Variants in TRPC5 observed in about 807,000 individuals in gnomAD.
The protein encoded by TRPC5 is transient receptor potential cation channel subfamily C member 5.
A neutral mutation model predicts 56.5 loss-of-function variants in TRPC5; 9 were observed. The ratio of observed to expected loss-of-function variants is 0.16; its 90% CI spans 0.10 to 0.28. The LOEUF (loss-of-function observed/expected upper bound fraction) is 0.28, where lower values mean the gene tolerates loss of function less well. Ranked by LOEUF, TRPC5 falls within the 10% of genes least tolerant of loss-of-function variation. TRPC5 has a pLI of 1.00. For synonymous variants in TRPC5, 282 were observed against 278.5 expected (o/e 1.01, Z -0.13); for missense variants, 469 against 748.9 (o/e 0.63, Z 4.36).
chrX:111,821,875 A>G (rs1479238840), intron 7 of TRPC5, among the ~76,000 whole-genome samples: 1 of 111,244 alleles, frequency 9.0e-6, no homozygotes, highest in African/African-American at 3.3e-5. Context: ...AGTATTCCAC[A>G]AGGATCAATT....
intron 2 of TRPC5, among the ~76,000 whole-genome samples, chrX:111,944,303 T>TGTGTGTGTGTGTGAGAGAGAGA (rs1173179815): frequency 4.9e-5 from 3 of 61,392 alleles, no homozygotes; most frequent in African/African-American, 3.2e-4. Context: ...TGTGTGTGTG[T>TGTGTGTGTGTGTGAGAGAGAGA]GAGAGAGAGA....
rs747641543 is a variant in TRPC5 at position 111,912,805 on chromosome X, G to A, written c.386C>T (p.Thr129Ile). Residue 129 changes from threonine to isoleucine, a missense_variant, in exon 3 of 11, where the codon ACT (threonine) becomes ATT (isoleucine). Thr to Ile is a moderately conservative substitution (Grantham distance 89). This residue lies in a region of TRPC5 where 118 missense variants were observed against 167.1 expected (regional missense o/e 0.71). Transcript: ENST00000262839. ...AGAGAACTGCGTGTCCATCATCAGA[G>A]TGGGGACCTAGGTACAAGAAATGAG... ...RRPSGEKQVP[T>I]LMMDTQFSEF... 1.7e-6 allele frequency: 2 copies of A among 1,194,558 alleles called. No individual in the cohort carries two copies. The highest frequency in any genetic ancestry group is 3.6e-5 in the South Asian group (2 of 55,580).
At chrX:112,078,319 G>A (rs974478217) in intron 1 of TRPC5, among the ~76,000 whole-genome samples, 1 of 111,735 alleles carries the variant, frequency 8.9e-6, no homozygotes, top group African/African-American at 3.3e-5. Flanking sequence ...TGGAATGGAA[G>A]TAGAGGGCTG....
rs778709441 is a variant in TRPC5 at position 111,810,779 on chromosome X, CTAA to C, written c.1896+24139_1896+24141del. On this transcript the variant is annotated intron_variant, in intron 7 of 10. Transcript: ENST00000262839. Reference sequence around the variant, plus strand: ...TTTTAATAAAAGTGTAATTTTATCTCTAATAATTGTTTATCAAAATTTATATTT... The same window carrying C: ...TTTTAATAAAAGTGTAATTTTATCTCTAATTGTTTATCAAAATTTATATTT... Among the ~76,000 whole-genome samples, 201 of 111,582 alleles carry C rather than the reference CTAA, an allele frequency of 1.8e-3. 1 individual carries two copies. The Middle Eastern group carries it at 0.024, about 13-fold the overall frequency.
At chrX:111,864,152 A>AT (rs1206287613) in intron 3 of TRPC5, among the ~76,000 whole-genome samples, 173 of 106,909 alleles carry the variant, frequency 1.6e-3, no homozygotes, top group Non-Finnish European at 2.3e-3. Context: ...ACACCCGGCT[A>AT]TTTTTTTTTG....
chrX:111,958,946 C>T (rs907594342), intron 1 of TRPC5, among the ~76,000 whole-genome samples: 2 of 112,180 alleles, frequency 1.8e-5, no homozygotes, highest in African/African-American at 3.2e-5. Flanking sequence ...ATCAAGAGTT[C>T]TATATCCTGC....
rs1009507544 is a variant in TRPC5 at position 111,907,126 on chromosome X, A to T, written c.900+5165T>A. On this transcript the variant is annotated intron_variant, in intron 3 of 10. Coordinates refer to ENST00000262839, the MANE Select transcript of TRPC5 (RefSeq NM_012471.3). ...GAAGGTCATTTGAAAAAAAAAAAAA[A>T]AAGAAAATGTCCTTTCCATCTTGGT... 5.5e-5 allele frequency among the ~76,000 whole-genome samples: 6 copies of T among 109,792 alleles called. No homozygotes were observed. The East Asian group carries it at 1.7e-3, about 31-fold the overall frequency.
At chrX:111,780,620 T>C (rs1313903128) in intron 9 of TRPC5, among the ~76,000 whole-genome samples, 7 of 111,324 alleles carry the variant, frequency 6.3e-5, no homozygotes, top group Non-Finnish European at 1.3e-4. Context: ...TCAGCCCTCT[T>C]GTATATGTGG....
At chrX:111,939,792 T>C (rs766156703) in intron 2 of TRPC5, among the ~76,000 whole-genome samples, 17 of 112,027 alleles carry the variant, frequency 1.5e-4, no homozygotes, top group Non-Finnish European at 2.3e-4. Flanking sequence ...CTCTCTTTTT[T>C]TCTTAGTCTG....
intron 1 of TRPC5, among the ~76,000 whole-genome samples, chrX:112,066,237 T>C (rs1209812381): frequency 1.8e-5 from 2 of 110,591 alleles, no homozygotes; most frequent in African/African-American, 6.6e-5. Context: ...TGCACATACA[T>C]TGAAAATAGC....
intron 1 of TRPC5, among the ~76,000 whole-genome samples, chrX:112,035,680 G>A (rs1929718070): frequency 9.1e-6 from 1 of 109,355 alleles, no homozygotes. Context: ...CACCCAGGCT[G>A]GAGTGCAGTG....
At chrX:112,073,024 A>G (rs1930752054) in intron 1 of TRPC5, among the ~76,000 whole-genome samples, 1 of 111,920 alleles carries the variant, frequency 8.9e-6, no homozygotes, top group Non-Finnish European at 1.9e-5. Flanking sequence ...TCATTATTAT[A>G]TATTTCATAC....
At position 111,779,943 on chromosome X, in the gene TRPC5, CAATG is replaced by C. The variant is rs781435632; in HGVS notation, c.2143-873_2143-870del. 2.1e-4 allele frequency among the ~76,000 whole-genome samples: 23 copies of C among 111,589 alleles called. No homozygotes were observed. In the East Asian group the frequency reaches 2.5e-3, roughly 12 times the overall value. On this transcript the variant is annotated intron_variant, in intron 9 of 10. Transcript: ENST00000262839. ...AGGGCTATGAAGCAGAAAATGAAGACAATGAATCTTATTTAAGATTTATTATTAT... is the reference window on the plus strand; with the variant it reads ...AGGGCTATGAAGCAGAAAATGAAGACAATCTTATTTAAGATTTATTATTAT...
chrX:111,897,448 G>A (rs1925121803), intron 3 of TRPC5, among the ~76,000 whole-genome samples: 1 of 110,803 alleles, frequency 9.0e-6, no homozygotes, highest in Non-Finnish European at 1.9e-5. Flanking sequence ...AATGAGTTTT[G>A]ACACACGCAT....
At chrX:112,031,605 G>A (rs1223126032) in intron 1 of TRPC5, among the ~76,000 whole-genome samples, 1 of 109,200 alleles carries the variant, frequency 9.2e-6, no homozygotes, top group Non-Finnish European at 1.9e-5. Flanking sequence ...AATTTATTGA[G>A]GTGAAATTCA....
chrX:112,007,098 G>T (rs1928865001), intron 1 of TRPC5, among the ~76,000 whole-genome samples: 1 of 110,859 alleles, frequency 9.0e-6, no homozygotes, highest in Non-Finnish European at 1.9e-5. Context: ...GACTGGGGTG[G>T]TGGTGGTGAG....
chrX:111,950,153 T>C lies in TRPC5; in HGVS notation c.378+1890A>G, dbSNP rs866488077. On this transcript the variant is annotated intron_variant, in intron 2 of 10. Coordinates refer to ENST00000262839, the MANE Select transcript of TRPC5 (RefSeq NM_012471.3). ...TCCTGGCTAACACAGTGAAACCCTG[T>C]CTCTACTACAAATACAAAAAAATTA... Among the ~76,000 whole-genome samples the C allele has an allele frequency of 8.5e-4, 94 of 110,552 alleles. 1 individual carries two copies. Among genetic ancestry groups the C allele is most frequent in the African/African-American group, 2.8e-3 (86 of 30,421 alleles).
chrX:111,833,444 A>G (rs779119774), intron 7 of TRPC5, among the ~76,000 whole-genome samples: 48 of 111,178 alleles, frequency 4.3e-4, no homozygotes, highest in Non-Finnish European at 8.1e-4. Context: ...TTTTTCCACT[A>G]CACTCCTCTC....
chrX:111,819,266 G>GA (rs765294941), intron 7 of TRPC5, among the ~76,000 whole-genome samples: 4 of 111,749 alleles, frequency 3.6e-5, no homozygotes, highest in South Asian at 3.8e-4. Flanking sequence ...GTTTCCTGCA[G>GA]AAAAAAGCAG....
Sources: allele counts gnomAD v4.1 joint callset (sites outside exome capture counted in the v4.1 genomes callset), GRCh38; gene constraint gnomAD v4.1.1; regional missense constraint gnomAD v4.1.1; transcripts MANE v1.5; gene names NCBI Gene and HGNC (gene_info 2026-07-23, HGNC 2026-07-21).